The following GRHL2 variants were observed in gnomAD, a reference collection of about 807,000 sequenced individuals.
GRHL2 encodes the protein grainyhead-like protein 2 homolog.
A neutral mutation model predicts 83.8 loss-of-function variants in GRHL2; 21 were observed. The observed-to-expected ratio is 0.25, with a 90% confidence interval of 0.18 to 0.36. The LOEUF (loss-of-function observed/expected upper bound fraction) is 0.36. GRHL2 is among the 10% of genes least tolerant of loss of function. The pLI is 1.00. For missense variants in GRHL2, 623 were observed against 781.8 expected (o/e 0.80, Z 2.42); for synonymous variants, 280 against 278.9 (o/e 1.00, Z -0.04).
At chr8:101,670,738 C>G (rs1402704284), downstream of GRHL2, among the ~76,000 whole-genome samples, 1 of 152,228 alleles carries the variant, frequency 6.6e-6, no homozygotes, top group Non-Finnish European at 1.5e-5. Context: ...TGTGTGCCAA[C>G]CAGTTCCCTG....
At chr8:101,508,568 G>A (rs936920871) in intron 1 of GRHL2, among the ~76,000 whole-genome samples, 3 of 152,014 alleles carry the variant, frequency 2.0e-5, no homozygotes, top group Non-Finnish European at 2.9e-5. Context: ...CTCTCAGTAC[G>A]TCATTGGGTC....
At chr8:101,493,336 T>C (rs1810008029) in intron 1 of GRHL2, among the ~76,000 whole-genome samples, 1 of 152,110 alleles carries the variant, frequency 6.6e-6, no homozygotes, top group African/African-American at 2.4e-5. Flanking sequence ...CGCGCCCGCG[T>C]GTGGCCCCGA....
chr8:101,678,569 T>C, the GRHL2 span, among the ~76,000 whole-genome samples: 1 of 151,840 alleles, frequency 6.6e-6, no homozygotes, highest in African/African-American at 2.4e-5. Flanking sequence ...TCGAACTGGG[T>C]GGAGCCCACC....
In GRHL2 at chr8:101,668,885, GTT is replaced by G. The variant is rs1491093287; in HGVS notation, c.*2184_*2185del. 1 of 152,010 alleles carries G rather than the reference GTT, an allele frequency of 6.6e-6. No homozygotes were observed. Among genetic ancestry groups the G allele is most frequent in the East Asian group, 2.0e-4 (1 of 5,118 alleles). The allele number at this position is 152,010 out of a possible 1,614,324, so 9.4% of individuals were successfully genotyped here. On this transcript the variant is annotated 3_prime_UTR_variant, in exon 16 of 16. Coordinates refer to ENST00000646743, the MANE Select transcript of GRHL2 (RefSeq NM_024915.4). Reference sequence around the variant, plus strand: ...CTCTCTCCAGCCTCTTTATGAAACTGTTTGTTTGCCAGTCCTGCCCTAAGGCA... The same window carrying G: ...CTCTCTCCAGCCTCTTTATGAAACTGTGTTTGCCAGTCCTGCCCTAAGGCA...
intron 14 of GRHL2, among the ~76,000 whole-genome samples, chr8:101,652,398 TCTGGTGTGTGTGTG>T (rs1813661874): frequency 2.0e-5 from 1 of 49,294 alleles, no homozygotes; most frequent in African/African-American, 1.9e-4. Flanking sequence ...TGTGTGTGTG[TCTGGTGTGTGTGTG>T]GTGTGTGTGT....
intron 1 of GRHL2, among the ~76,000 whole-genome samples, chr8:101,522,823 T>C (rs1586417504): frequency 6.6e-6 from 1 of 151,726 alleles, no homozygotes; most frequent in Non-Finnish European, 1.5e-5. Context: ...GCATGAAATA[T>C]AACTTGCTTT....
Position 101,558,260 on chromosome 8 carries a change from G to A in GRHL2, c.285-159G>A, listed in dbSNP as rs146958485. 7.6e-3 allele frequency among the ~76,000 whole-genome samples: 1,151 copies of A among 152,296 alleles called. 11 individuals are homozygous for A. Among genetic ancestry groups the A allele is most frequent in the African/African-American group, 0.025 (1,032 of 41,558 alleles). ...CACTCGTGGTCCTACTTCTAGTGAC[G>A]CAAGGATCCCATTGCGTTTCGTTGT... is the stretch of plus-strand genomic sequence containing the variant. On this transcript the variant is annotated intron_variant, in intron 3 of 15. Transcript: ENST00000646743.
chr8:101,584,373 T>A (rs1029351778), intron 7 of GRHL2, among the ~76,000 whole-genome samples: 5 of 152,192 alleles, frequency 3.3e-5, no homozygotes, highest in Admixed American at 1.3e-4. Flanking sequence ...AAACTTAAGT[T>A]TTCAAAATGA....
intron 8 of GRHL2, among the ~76,000 whole-genome samples, chr8:101,610,164 A>G (rs4734558): frequency 0.5 from 75,026 of 150,360 alleles, 21,023 homozygotes; most frequent in African/African-American, 0.71. Context: ...AGACTTCCCC[A>G]TGCTCTCCCC....
chr8:101,609,815 G>A (rs1162804754), intron 8 of GRHL2, among the ~76,000 whole-genome samples: 4 of 150,968 alleles, frequency 2.6e-5, no homozygotes, highest in Non-Finnish European at 5.9e-5. Flanking sequence ...TGGTTGGCTG[G>A]GAAACAAGGA....
intron 9 of GRHL2, among the ~76,000 whole-genome samples, chr8:101,622,340 A>G (rs1366859011): frequency 6.6e-6 from 1 of 152,204 alleles, no homozygotes; most frequent in African/African-American, 2.4e-5. Context: ...AATCCAGAGA[A>G]TATTTCTTCT....
At chr8:101,529,130 C>T (rs1189392095) in intron 1 of GRHL2, 2 of 339,410 alleles carry the variant, frequency 5.9e-6, no homozygotes, top group Non-Finnish European at 5.7e-6. Context: ...TGTTTCATCT[C>T]CCAGTACATC....
chr8:101,647,426 G>T (rs1813534474), intron 13 of GRHL2, among the ~76,000 whole-genome samples: 1 of 152,154 alleles, frequency 6.6e-6, no homozygotes, highest in African/African-American at 2.4e-5. Flanking sequence ...CCTGTTGGGG[G>T]CTGCAGAGAG....
chr8:101,617,565 C>A (rs187755684), intron 8 of GRHL2, among the ~76,000 whole-genome samples: 1 of 152,092 alleles, frequency 6.6e-6, no homozygotes, highest in East Asian at 1.9e-4. Flanking sequence ...AGTGTAGTGG[C>A]GCAGTCTCAG....
intron 1 of GRHL2, among the ~76,000 whole-genome samples, chr8:101,536,933 C>T (rs1244128923): frequency 6.6e-6 from 1 of 151,960 alleles, no homozygotes; most frequent in Non-Finnish European, 1.5e-5. Context: ...TCCCCTCACC[C>T]CCCGCCCTCT....
At chr8:101,505,577 C>A (rs1257920093) in intron 1 of GRHL2, among the ~76,000 whole-genome samples, 366 of 100,942 alleles carry the variant, frequency 3.6e-3, no homozygotes, top group Middle Eastern at 5.9e-3. Context: ...AACTCTGTCT[C>A]AAAAAAAAAA....
chr8:101,635,751 A>G (rs983063987), intron 11 of GRHL2, among the ~76,000 whole-genome samples: 1 of 152,216 alleles, frequency 6.6e-6, no homozygotes, highest in African/African-American at 2.4e-5. Flanking sequence ...AAGAAACTAA[A>G]TAAACAATAC....
intron 7 of GRHL2, among the ~76,000 whole-genome samples, chr8:101,590,347 A>G (rs1178601025): frequency 1.3e-5 from 2 of 152,236 alleles, no homozygotes; most frequent in Non-Finnish European, 2.9e-5. Context: ...TACTTGGACT[A>G]GGGTTCATTT....
intron 9 of GRHL2, among the ~76,000 whole-genome samples, chr8:101,629,348 T>C (rs995872982): frequency 1.6e-4 from 24 of 152,118 alleles, no homozygotes; most frequent in African/African-American, 5.3e-4. Flanking sequence ...TTAAGGTATG[T>C]ACATTTTTTA....
Sources: gnomAD v4.1 joint callset for allele counts (sites outside exome capture counted in the v4.1 genomes callset) on GRCh38, gnomAD v4.1.1 for gene constraint, MANE v1.5 for transcripts, NCBI Gene and HGNC (gene_info 2026-07-23, HGNC 2026-07-21) for gene names.